FYN: variants seen among roughly 807,000 people sequenced by gnomAD.
FYN encodes the protein tyrosine-protein kinase Fyn.
A neutral mutation model predicts 70.2 loss-of-function variants in FYN; 10 were observed. The observed-to-expected ratio is 0.14, with a 90% CI of 0.09 to 0.24. FYN has a LOEUF of 0.24. FYN is among the 10% of genes least tolerant of loss of function. FYN has a pLI of 1.00. For synonymous variants in FYN, 236 were observed against 248.6 expected, an observed-to-expected ratio of 0.95 and a Z score of 0.48; for missense variants, 319 against 673.1, an observed-to-expected ratio of 0.47 and a Z score of 5.82.
At chr6:111,856,902 A>AGC (rs757039244) in intron 1 of FYN, among the ~76,000 whole-genome samples, 2 of 152,218 alleles carry the variant, frequency 1.3e-5, no homozygotes, top group Non-Finnish European at 2.9e-5. Context: ...CTTTTAAAGC[A>AGC]AGCCTGATGA....
At chr6:111,810,745 C>T (rs1772297894) in intron 2 of FYN, among the ~76,000 whole-genome samples, 2 of 152,208 alleles carry the variant, frequency 1.3e-5, no homozygotes, top group African/African-American at 2.4e-5. Flanking sequence ...CGAAAACCCA[C>T]CCTGTGGGTG....
At chr6:111,717,640 T>G (rs752380447) in intron 4 of FYN, among the ~76,000 whole-genome samples, 1 of 152,296 alleles carries the variant, frequency 6.6e-6, no homozygotes, top group Middle Eastern at 3.4e-3. Context: ...TTTTTGTATT[T>G]TTTAGTAGAG....
intron 8 of FYN, among the ~76,000 whole-genome samples, chr6:111,701,016 A>G (rs557834787): frequency 2.0e-5 from 3 of 152,072 alleles, no homozygotes; most frequent in East Asian, 3.9e-4. Flanking sequence ...ACAGTCTTCG[A>G]CGTATAATTT....
intron 2 of FYN, among the ~76,000 whole-genome samples, chr6:111,842,222 C>T (rs1562541514): frequency 6.6e-6 from 1 of 152,172 alleles, no homozygotes; most frequent in Non-Finnish European, 1.5e-5. Context: ...ATGTAGGCCA[C>T]TTTGGCCTCC....
At chr6:111,785,873 G>C (rs932841186) in intron 2 of FYN, among the ~76,000 whole-genome samples, 5 of 139,612 alleles carry the variant, frequency 3.6e-5, no homozygotes, top group African/African-American at 1.4e-4. Context: ...CTGTGTCCAG[G>C]TGTTCTCATT....
At chr6:111,782,021 G>A (rs900550875) in intron 2 of FYN, among the ~76,000 whole-genome samples, 1 of 152,158 alleles carries the variant, frequency 6.6e-6, no homozygotes, top group African/African-American at 2.4e-5. Context: ...AAGGGTTAGA[G>A]ACAATGATGA....
chr6:111,851,695 T>C (rs575730283), intron 1 of FYN, among the ~76,000 whole-genome samples: 40 of 152,236 alleles, frequency 2.6e-4, no homozygotes, highest in Admixed American at 5.9e-4. Context: ...TGCTCTGCGA[T>C]TGGGTGGGAG....
chr6:111,700,632 C>T (rs1562479250), intron 8 of FYN, among the ~76,000 whole-genome samples: 1 of 152,148 alleles, frequency 6.6e-6, no homozygotes, highest in Non-Finnish European at 1.5e-5. Flanking sequence ...GGAAGAAAAA[C>T]GTTTTCAGCT....
At chr6:111,867,455 CG>C (rs200104971) in intron 1 of FYN, among the ~76,000 whole-genome samples, 23 of 85,868 alleles carry the variant, frequency 2.7e-4, no homozygotes, top group African/African-American at 1.4e-3. Flanking sequence ...AACTCCGTCT[CG>C]GGAAAAAAAA....
chr6:111,860,772 C>T (rs1481353424), intron 1 of FYN, among the ~76,000 whole-genome samples: 2 of 152,208 alleles, frequency 1.3e-5, no homozygotes, highest in Non-Finnish European at 2.9e-5. Flanking sequence ...AGACACTCCT[C>T]ATCCTCACTA....
At chr6:111,745,357 C>G (rs1165083420) in intron 3 of FYN, among the ~76,000 whole-genome samples, 1 of 152,206 alleles carries the variant, frequency 6.6e-6, no homozygotes, top group Non-Finnish European at 1.5e-5. Flanking sequence ...GGGCATGTGA[C>G]TCATCCCTCC....
intron 5 of FYN, among the ~76,000 whole-genome samples, chr6:111,711,777 CTT>C (rs1253852966): frequency 6.6e-6 from 1 of 152,174 alleles, no homozygotes; most frequent in Non-Finnish European, 1.5e-5. Context: ...TGTATTATTG[CTT>C]TGTTTTTCCT....
chr6:111,836,944 G>A (rs962709099), intron 2 of FYN, among the ~76,000 whole-genome samples: 5 of 152,130 alleles, frequency 3.3e-5, no homozygotes, highest in Non-Finnish European at 7.4e-5. Flanking sequence ...ATACTGTAAA[G>A]ATATATGATT....
At chr6:111,677,263 T>A (rs1312580375) in intron 12 of FYN, among the ~76,000 whole-genome samples, 1 of 152,244 alleles carries the variant, frequency 6.6e-6, no homozygotes, top group Non-Finnish European at 1.5e-5. Flanking sequence ...CAAAAGAAGC[T>A]TCTTTATAGA....
intron 2 of FYN, among the ~76,000 whole-genome samples, chr6:111,830,324 T>G (rs78396871): frequency 0.036 from 5,463 of 152,264 alleles, 141 homozygotes; most frequent in East Asian, 0.13. Flanking sequence ...AAATAGTTTC[T>G]GGCAGAAATG....
At chr6:111,840,080 C>A (rs922122605) in intron 2 of FYN, among the ~76,000 whole-genome samples, 2 of 152,132 alleles carry the variant, frequency 1.3e-5, no homozygotes, top group Non-Finnish European at 2.9e-5. Flanking sequence ...TTCCAAGTGG[C>A]CCCTTCTAAG....
At chr6:111,869,577 G>T (rs1008573420) in intron 1 of FYN, among the ~76,000 whole-genome samples, 2 of 152,058 alleles carry the variant, frequency 1.3e-5, no homozygotes, top group African/African-American at 4.8e-5. Context: ...GATTTTTCGT[G>T]GAGACGAGGT....
chr6:111,690,676 C>G (rs1799277321), intron 12 of FYN, among the ~76,000 whole-genome samples: 1 of 152,212 alleles, frequency 6.6e-6, no homozygotes, highest in African/African-American at 2.4e-5. Flanking sequence ...GCTGGGTACC[C>G]TGTTAAACAC....
intron 2 of FYN, among the ~76,000 whole-genome samples, chr6:111,840,044 C>T (rs1471627096): frequency 2.0e-5 from 3 of 152,122 alleles, no homozygotes; most frequent in Admixed American, 6.5e-5. Context: ...GCTCTGGGGA[C>T]TGGAGAAGAG....
Sources: gnomAD v4.1 joint callset for allele counts (sites outside exome capture counted in the v4.1 genomes callset) on GRCh38, gnomAD v4.1.1 for gene constraint, MANE v1.5 for transcripts, NCBI Gene and HGNC (gene_info 2026-07-23, HGNC 2026-07-21) for gene names.